Variants in KIDINS220 observed in about 807,000 individuals in gnomAD.
KIDINS220 encodes the protein kinase D interacting substrate 220, also known as kinase D-interacting substrate of 220 kDa.
A neutral mutation model predicts 157.6 loss-of-function variants in KIDINS220; 63 were observed. The observed-to-expected ratio is 0.40, with a 90% CI of 0.33 to 0.49. The LOEUF (loss-of-function observed/expected upper bound fraction) is 0.49. Among genes scored for constraint, KIDINS220 ranks in the 20% least tolerant of loss-of-function variants. KIDINS220 has a pLI of 0.66. For missense variants in KIDINS220, 1,772 were observed against 2,171.2 expected, an observed-to-expected ratio of 0.82 and a Z score of 3.65; for synonymous variants, 732 against 783.6, an observed-to-expected ratio of 0.93 and a Z score of 1.10.
At position 8,798,617 on chromosome 2, in the gene KIDINS220, G is replaced by A. The variant is rs577366260; in HGVS notation, c.901-317C>T. On this transcript the variant is annotated intron_variant, in intron 9 of 29. Coordinates refer to ENST00000256707, the MANE Select transcript of KIDINS220 (RefSeq NM_020738.4). The stretch of plus-strand genomic sequence containing the variant: ...ACCTGAACCCTGTAAACTCAGACAT[G>A]TCACTTGGCTATTCTGACCCTTAGA... Among the ~76,000 whole-genome samples, 5 of 152,294 alleles carry A rather than the reference G, an allele frequency of 3.3e-5. No individual in the cohort carries two copies. The South Asian group carries it at 1.0e-3, about 32-fold the overall frequency.
chr2:8,752,421 TGGCAG>T (rs1469589801), intron 22 of KIDINS220, among the ~76,000 whole-genome samples: 1 of 152,154 alleles, frequency 6.6e-6, no homozygotes, highest in Non-Finnish European at 1.5e-5. Flanking sequence ...CCTTTGGCCA[TGGCAG>T]GACTTGGGTG....
intron 28 of KIDINS220, 53 bp from the exon 29 acceptor site, chr2:8,733,733 C>G (rs1431377919): frequency 5.0e-6 from 6 of 1,198,440 alleles, no homozygotes; most frequent in Non-Finnish European, 6.9e-6. Flanking sequence ...ATTTTAGAAG[C>G]TTTAGAAATA....
intron 20 of KIDINS220, among the ~76,000 whole-genome samples, chr2:8,777,736 G>A (rs145566822): frequency 1.3e-5 from 2 of 152,282 alleles, no homozygotes; most frequent in African/African-American, 2.4e-5. Flanking sequence ...GGGGGAACAG[G>A]TACAACCAAG....
chr2:8,787,079 C>T (rs2033755), intron 15 of KIDINS220, among the ~76,000 whole-genome samples: 146,913 of 151,886 alleles, frequency 0.97, 71,099 homozygotes, highest in Middle Eastern at 0.99. Context: ...GTGGTCTTGA[C>T]GATGCTACTT....
At chr2:8,784,894 C>T (rs1672185592) in intron 17 of KIDINS220, among the ~76,000 whole-genome samples, 1 of 152,204 alleles carries the variant, frequency 6.6e-6, no homozygotes, top group Admixed American at 6.5e-5. Context: ...AATCACACTC[C>T]TTGGTATTTA....
chr2:8,770,331 A>G (rs991431956), intron 22 of KIDINS220, among the ~76,000 whole-genome samples: 29 of 152,192 alleles, frequency 1.9e-4, no homozygotes, highest in African/African-American at 7.0e-4. Context: ...ACTTGAGTCC[A>G]GGAGTTTGAG....
intron 2 of KIDINS220, among the ~76,000 whole-genome samples, chr2:8,822,084 C>T (rs191760273): frequency 3.9e-5 from 6 of 152,168 alleles, no homozygotes; most frequent in East Asian, 1.9e-4. Flanking sequence ...CAGAACACTA[C>T]GCACCTACTG....
intron 22 of KIDINS220, among the ~76,000 whole-genome samples, chr2:8,760,156 T>G (rs1251741114): frequency 1.3e-5 from 2 of 152,242 alleles, no homozygotes; most frequent in African/African-American, 4.8e-5. Flanking sequence ...TTTAACAAAT[T>G]GAAGAAGATC....
downstream of KIDINS220, among the ~76,000 whole-genome samples, chr2:8,727,960 C>T (rs1402817182): frequency 2.6e-5 from 4 of 152,186 alleles, no homozygotes; most frequent in Admixed American, 1.3e-4. Flanking sequence ...GGCAGCACTC[C>T]GTAAGGCCAC....
chr2:8,820,049 C>G (rs866736721), intron 2 of KIDINS220, among the ~76,000 whole-genome samples: 1 of 152,188 alleles, frequency 6.6e-6, no homozygotes, highest in African/African-American at 2.4e-5. Flanking sequence ...CTGCTTCAAA[C>G]CCTTCAATGT....
intron 10 of KIDINS220, among the ~76,000 whole-genome samples, chr2:8,797,702 T>TA (rs1674159997): frequency 6.6e-6 from 1 of 152,246 alleles, no homozygotes; most frequent in Admixed American, 6.5e-5. Flanking sequence ...TGATTACACA[T>TA]ACGCTAAATA....
intron 22 of KIDINS220, among the ~76,000 whole-genome samples, chr2:8,760,556 CAAAG>C (rs1279126024): frequency 2.0e-5 from 3 of 152,148 alleles, no homozygotes; most frequent in Non-Finnish European, 4.4e-5. Context: ...CCTGTCATCA[CAAAG>C]AAAGTTTAAA....
rs1451447686 is a variant in KIDINS220 at position 8,744,384 on chromosome 2, A to T, written c.3585+2761T>A. On this transcript the variant is annotated intron_variant, in intron 26 of 29. Transcript: ENST00000256707. ...ATGGCAAAAAAAAAAAAAAAAAAAA[A>T]AAAAATATATATATATAATATATAT... Among the ~76,000 whole-genome samples the T allele has an allele frequency of 9.1e-3, 253 of 27,780 alleles. 1 individual carries two copies. Among genetic ancestry groups the T allele is most frequent in the Middle Eastern group, 0.056 (1 of 18 alleles). The allele number at this position is 27,780 out of a possible 152,430, so 18.2% of individuals were successfully genotyped here.
Position 8,807,521 on chromosome 2 carries a change from G to T in KIDINS220, c.505-1152C>A, listed in dbSNP as rs1675627657. ...ATGCTATGTGGCTACTGTGACTGATGAACTGAGTTCTTTTCTTTTTCATTT... is the reference window on the plus strand; with the variant it reads ...ATGCTATGTGGCTACTGTGACTGATTAACTGAGTTCTTTTCTTTTTCATTT... On this transcript the variant is annotated intron_variant, in intron 6 of 29. Coordinates refer to ENST00000256707, the MANE Select transcript of KIDINS220 (RefSeq NM_020738.4). Among the ~76,000 whole-genome samples, 3 of 152,204 alleles carry T rather than the reference G, an allele frequency of 2.0e-5. No homozygotes were observed. In the South Asian group the frequency reaches 6.2e-4, roughly 31 times the overall value.
At position 8,744,384 on chromosome 2, in the gene KIDINS220, AAAAAATATATATATAT is replaced by A. The variant is rs1246660708; in HGVS notation, c.3585+2745_3585+2760del. On this transcript the variant is annotated intron_variant, in intron 26 of 29. Transcript: ENST00000256707. ...ATGGCAAAAAAAAAAAAAAAAAAAA[AAAAAATATATATATAT>A]AATATATATATATATATATATATAT... 3.1e-3 allele frequency among the ~76,000 whole-genome samples: 86 copies of A among 27,912 alleles called. 3 individuals are homozygous for A. Among genetic ancestry groups the A allele is most frequent in the Admixed American group, 3.4e-3 (5 of 1,460 alleles). The allele number at this position is 27,912 out of a possible 152,430, so 18.3% of individuals were successfully genotyped here.
chr2:8,755,887 T>C (rs895013332), intron 22 of KIDINS220, among the ~76,000 whole-genome samples: 2 of 152,248 alleles, frequency 1.3e-5, no homozygotes, highest in African/African-American at 2.4e-5. Flanking sequence ...TGTAGCTTTG[T>C]AGTATGTCTG....
At chr2:8,726,437 T>C (rs528228405), downstream of KIDINS220, among the ~76,000 whole-genome samples, 1 of 152,378 alleles carries the variant, frequency 6.6e-6, no homozygotes, top group Non-Finnish European at 1.5e-5. Flanking sequence ...TAGCAACCAT[T>C]TTAGAGGTTT....
chr2:8,766,328 A>G (rs998137078), intron 22 of KIDINS220, among the ~76,000 whole-genome samples: 3 of 152,158 alleles, frequency 2.0e-5, no homozygotes, highest in Non-Finnish European at 4.4e-5. Context: ...CCTGCCTGGA[A>G]AACTGTCTTG....
intron 15 of KIDINS220, among the ~76,000 whole-genome samples, chr2:8,787,349 T>C (rs141080944): frequency 1.3e-5 from 2 of 151,872 alleles, no homozygotes; most frequent in East Asian, 1.9e-4. Context: ...TTTTTTCTTA[T>C]AACTAAAAAA....
Sources: allele counts gnomAD v4.1 joint callset (sites outside exome capture counted in the v4.1 genomes callset), GRCh38; gene constraint gnomAD v4.1.1; transcripts MANE v1.5; gene names NCBI Gene and HGNC (gene_info 2026-07-23, HGNC 2026-07-21).